Variants in IL1RAPL1 observed in about 807,000 individuals in gnomAD.
The protein encoded by IL1RAPL1 is interleukin 1 receptor accessory protein like 1.
IL1RAPL1 carries 3 observed loss-of-function variants against 48.4 expected under a neutral mutation model. The observed-to-expected ratio is 0.06, with a 90% CI of 0.03 to 0.16. The LOEUF (loss-of-function observed/expected upper bound fraction) is 0.16. Ranked by LOEUF, IL1RAPL1 falls within the 10% of genes least tolerant of loss-of-function variation. The probability of loss-of-function intolerance (pLI) is 1.00; values close to 1 mark genes in which losing one functional copy is unlikely to be tolerated. For synonymous variants in IL1RAPL1, 185 were observed against 187.7 expected, an observed-to-expected ratio of 0.99 and a Z score of 0.12; for missense variants, 349 against 530.6, an observed-to-expected ratio of 0.66 and a Z score of 3.36.
chrX:29,854,489 A>G (rs1786978242), intron 6 of IL1RAPL1, among the ~76,000 whole-genome samples: 1 of 111,535 alleles, frequency 9.0e-6, no homozygotes. Context: ...GAAATATCAG[A>G]TGAATGCTAT....
intron 2 of IL1RAPL1, among the ~76,000 whole-genome samples, chrX:29,236,545 C>CTTTTTTTTTTTTTT (rs754996544): frequency 2.1e-4 from 13 of 63,182 alleles, no homozygotes; most frequent in African/African-American, 4.7e-4. Context: ...CTTTTTTTTT[C>CTTTTTTTTTTTTTT]TTTTTTTTTT....
intron 1 of IL1RAPL1, among the ~76,000 whole-genome samples, chrX:28,601,484 A>T (rs187393029): frequency 9.0e-6 from 1 of 111,220 alleles, no homozygotes; most frequent in Admixed American, 9.6e-5. Context: ...CCAAAAAATT[A>T]TCCATTAACT....
At chrX:29,026,170 G>A (rs922921109) in intron 2 of IL1RAPL1, among the ~76,000 whole-genome samples, 10 of 111,637 alleles carry the variant, frequency 9.0e-5, no homozygotes, top group Admixed American at 1.9e-4. Context: ...ATCCTCTCTC[G>A]TGTTTTTATT....
At chrX:29,443,231 G>GCGCTCTCTCTCTCTCT (rs746994199) in intron 5 of IL1RAPL1, among the ~76,000 whole-genome samples, 1 of 93,967 alleles carries the variant, frequency 1.1e-5, no homozygotes, top group East Asian at 3.6e-4. Flanking sequence ...GCTCTCGCTT[G>GCGCTCTCTCTCTCTCT]CTCTCTCTCT....
chrX:28,913,362 TTACA>T (rs1173669504), intron 2 of IL1RAPL1, among the ~76,000 whole-genome samples: 1 of 111,835 alleles, frequency 8.9e-6, no homozygotes, highest in South Asian at 3.7e-4. Flanking sequence ...CATTTTTGAA[TTACA>T]TACATAATTT....
In IL1RAPL1 at chrX:29,954,706, T is replaced by C. The variant is rs777223930; in HGVS notation, c.1372+14T>C. ...TCCCAACTGGAAGTAAGTTAATGTTTTCATTTGAGAGTGTGCATATTCATG... is the reference window on the plus strand; with the variant it reads ...TCCCAACTGGAAGTAAGTTAATGTTCTCATTTGAGAGTGTGCATATTCATG... On this transcript the variant is annotated intron_variant, in intron 10 of 10. Coordinates refer to ENST00000378993, the MANE Select transcript of IL1RAPL1 (RefSeq NM_014271.4). 3 of 1,149,977 alleles carry C rather than the reference T, an allele frequency of 2.6e-6. No homozygotes were observed. Among genetic ancestry groups the C allele is most frequent in the African/African-American group, 1.8e-5 (1 of 56,703 alleles). 94.8% of individuals were successfully genotyped at this position (1,149,977 alleles called of 1,213,427 possible). A position where few individuals can be genotyped will look rare whatever the true frequency, so the allele number is the denominator to read the frequency against.
At chrX:29,371,726 G>A (rs1474905394) in intron 3 of IL1RAPL1, among the ~76,000 whole-genome samples, 2 of 111,765 alleles carry the variant, frequency 1.8e-5, no homozygotes, top group Non-Finnish European at 3.8e-5. Context: ...GTTCGCTGAG[G>A]ATATTGGCCT....
intron 6 of IL1RAPL1, among the ~76,000 whole-genome samples, chrX:29,688,728 TTCTCTC>T (rs71811113): frequency 4.3e-4 from 32 of 74,786 alleles, no homozygotes; most frequent in South Asian, 8.4e-4. Flanking sequence ...TCAGGGTTGC[TTCTCTC>T]TCTCTCTCTC....
chrX:29,029,892 C>A (rs961007269), intron 2 of IL1RAPL1, among the ~76,000 whole-genome samples: 2 of 109,726 alleles, frequency 1.8e-5, no homozygotes, highest in African/African-American at 6.6e-5. Flanking sequence ...CAATCTATGA[C>A]CCATTTTGAG....
chrX:28,779,038 T>G (rs900656076), intron 1 of IL1RAPL1, among the ~76,000 whole-genome samples: 2 of 111,889 alleles, frequency 1.8e-5, no homozygotes, highest in Admixed American at 9.5e-5. Flanking sequence ...TTTCCAAGTT[T>G]GCATAGCTAG....
intron 8 of IL1RAPL1, among the ~76,000 whole-genome samples, chrX:29,923,057 T>C (rs1932858794): frequency 1.8e-5 from 2 of 112,187 alleles, no homozygotes; most frequent in South Asian, 3.7e-4. Flanking sequence ...TTCATTATCA[T>C]TGACATAATA....
chrX:29,599,927 A>G (rs1241552831), intron 5 of IL1RAPL1, among the ~76,000 whole-genome samples: 1 of 111,491 alleles, frequency 9.0e-6, no homozygotes, highest in East Asian at 2.8e-4. Context: ...TATATCCTGT[A>G]TGATGTTTTT....
At chrX:28,945,754 C>T (rs945982171) in intron 2 of IL1RAPL1, among the ~76,000 whole-genome samples, 5 of 109,456 alleles carry the variant, frequency 4.6e-5, no homozygotes, top group African/African-American at 1.0e-4. Context: ...TATCCCGGAA[C>T]GTAAAGTAAA....
At chrX:29,415,997 C>A (rs1265402758) in intron 5 of IL1RAPL1, among the ~76,000 whole-genome samples, 2 of 111,519 alleles carry the variant, frequency 1.8e-5, no homozygotes, top group Non-Finnish European at 3.8e-5. Context: ...TTTTTGTTAA[C>A]AAACTAAACT....
At chrX:29,656,356 G>T (rs759018935) in intron 5 of IL1RAPL1, among the ~76,000 whole-genome samples, 245 of 110,792 alleles carry the variant, frequency 2.2e-3, no homozygotes, top group African/African-American at 7.6e-3. Flanking sequence ...TGAGATTTTG[G>T]TGCACCCATC....
intron 2 of IL1RAPL1, among the ~76,000 whole-genome samples, chrX:29,246,220 A>G (rs2147569764): frequency 9.8e-6 from 1 of 101,540 alleles, no homozygotes; most frequent in African/African-American, 3.6e-5. Flanking sequence ...TCAATGCCTC[A>G]AGAAAAAAAG....
intron 2 of IL1RAPL1, among the ~76,000 whole-genome samples, chrX:28,794,225 G>A (rs1267119095): frequency 3.6e-5 from 4 of 111,237 alleles, no homozygotes; most frequent in Non-Finnish European, 7.6e-5. Flanking sequence ...CTTTACAAAT[G>A]GGGAGTGTTT....
At chrX:29,191,196 CTAATTGTGATGTACAT>C (rs1184802525) in intron 2 of IL1RAPL1, among the ~76,000 whole-genome samples, 1 of 111,272 alleles carries the variant, frequency 9.0e-6, no homozygotes, top group African/African-American at 3.3e-5. Flanking sequence ...ATTTATATAA[CTAATTGTGATGTACAT>C]TAATTGAGGT....
intron 6 of IL1RAPL1, among the ~76,000 whole-genome samples, chrX:29,795,841 A>G (rs1307419037): frequency 8.8e-6 from 1 of 113,152 alleles, no homozygotes; most frequent in Non-Finnish European, 1.9e-5. Context: ...ACAGGGACAA[A>G]TTAAGTGTCT....
Sources: gnomAD v4.1 joint callset for allele counts (sites outside exome capture counted in the v4.1 genomes callset) on GRCh38, gnomAD v4.1.1 for gene constraint, MANE v1.5 for transcripts, NCBI Gene and HGNC (gene_info 2026-07-23, HGNC 2026-07-21) for gene names.